Variants in GABPB2 observed in about 807,000 individuals in gnomAD.
The protein encoded by GABPB2 is GA-binding protein subunit beta-2.
A neutral mutation model predicts 39.1 loss-of-function variants in GABPB2; 23 were observed. That is an observed-to-expected ratio of 0.59 (90% CI 0.42 to 0.83). The LOEUF is 0.83. GABPB2 is among the 40% of genes least tolerant of loss of function. The pLI is 0.00. For synonymous variants in GABPB2, 184 were observed against 199.3 expected (o/e 0.92, Z 0.65); for missense variants, 467 against 541.1 (o/e 0.86, Z 1.36).
intron 5 of GABPB2, among the ~76,000 whole-genome samples, chr1:151,102,971 A>G (rs1679652352): frequency 1.3e-5 from 2 of 151,668 alleles, no homozygotes; most frequent in Admixed American, 1.3e-4. Flanking sequence ...TCTGTTAGCT[A>G]CTAATGCTCA....
intron 4 of GABPB2, 37 bp downstream of exon 4, chr1:151,093,423 A>G: frequency 6.8e-7 from 1 of 1,473,918 alleles, no homozygotes; most frequent in Admixed American, 2.5e-5. Context: ...ATGTATGTTA[A>G]TTGAAGTTAA....
chr1:151,103,020 T>C (rs1163437573), intron 5 of GABPB2, among the ~76,000 whole-genome samples: 1 of 150,014 alleles, frequency 6.7e-6, no homozygotes, highest in Non-Finnish European at 1.5e-5. Context: ...ATGAGGGGAA[T>C]GTAGTGGCCC....
At chr1:151,090,306 C>T (rs1263908934) in intron 2 of GABPB2, 100 bp from the exon 3 acceptor site, 1 of 1,155,010 alleles carries the variant, frequency 8.7e-7, no homozygotes, top group Admixed American at 2.6e-5. Flanking sequence ...CAGATTCTCT[C>T]TTGAAGGACA....
chr1:151,122,977 T>C lies in GABPB2; in HGVS notation c.*4721T>C, dbSNP rs2101586923. 6.6e-6 allele frequency: 1 copy of C among 152,252 alleles called. No individual in the cohort carries two copies. The highest frequency in any genetic ancestry group is 2.4e-5 in the African/African-American group (1 of 41,556). 9.4% of individuals were successfully genotyped at this position (152,252 alleles called of 1,614,324 possible). A position where few individuals can be genotyped will look rare whatever the true frequency, so the allele number is the denominator to read the frequency against. On this transcript the variant is annotated 3_prime_UTR_variant, in exon 9 of 9. Transcript: ENST00000368918. Reference sequence around the variant, plus strand: ...TCCAATTGTATTGCCATGGAGAGAATGGCAGGTGAGGATGCTTTGAAGTAG... The same window carrying C: ...TCCAATTGTATTGCCATGGAGAGAACGGCAGGTGAGGATGCTTTGAAGTAG...
chr1:151,113,192 G>C (rs1571989716), intron 7 of GABPB2, among the ~76,000 whole-genome samples: 1 of 151,894 alleles, frequency 6.6e-6, no homozygotes, highest in Middle Eastern at 3.4e-3. Flanking sequence ...TGATTGGCCG[G>C]GTGCGGTGGC....
chr1:151,081,635 TA>T (rs1469765833), intron 1 of GABPB2, among the ~76,000 whole-genome samples: 1 of 151,962 alleles, frequency 6.6e-6, no homozygotes, highest in African/African-American at 2.4e-5. Flanking sequence ...TTCTCATTAT[TA>T]TTTATTTTTT....
chr1:151,100,033 G>T (rs964619778), intron 5 of GABPB2, among the ~76,000 whole-genome samples: 1 of 152,008 alleles, frequency 6.6e-6, no homozygotes. Flanking sequence ...AAATAATTTT[G>T]CATTCAGCAG....
At chr1:151,106,726 T>C (rs1679999150) in intron 6 of GABPB2, among the ~76,000 whole-genome samples, 1 of 152,184 alleles carries the variant, frequency 6.6e-6, no homozygotes, top group Non-Finnish European at 1.5e-5. Context: ...CTGATACTCC[T>C]ACAAAACAAA....
rs587768442 is a variant in GABPB2, at chr1:151,115,789, C to A, written c.923-1603C>A. On this transcript the variant is annotated intron_variant, in intron 7 of 8. Transcript: ENST00000368918. Reference sequence around the variant, plus strand: ...TCCAGTATGTCTACATCCTCTCCAGCATTTGGTATCATCACTTTTTAAAAA... The same window carrying A: ...TCCAGTATGTCTACATCCTCTCCAGAATTTGGTATCATCACTTTTTAAAAA... Among the ~76,000 whole-genome samples the A allele has an allele frequency of 2.0e-5, 3 of 152,272 alleles. No individual in the cohort carries two copies. In the South Asian group the frequency reaches 6.2e-4, roughly 32 times the overall value.
Position 151,118,813 on chromosome 1 carries a change from T to G in GABPB2, c.*557T>G, listed in dbSNP as rs1321957953. The stretch of plus-strand genomic sequence containing the variant: ...TGAAGAGAATTTTCCCTTTTTTTTT[T>G]TTTTTTTGAGACACGGTCTGACTCT... On this transcript the variant is annotated 3_prime_UTR_variant, in exon 9 of 9. Coordinates refer to ENST00000368918, the MANE Select transcript of GABPB2 (RefSeq NM_144618.3). 6.6e-6 allele frequency: 1 copy of G among 152,354 alleles called. No homozygotes were observed. Among genetic ancestry groups the G allele is most frequent in the Non-Finnish European group, 1.5e-5 (1 of 68,362 alleles). 9.4% of individuals were successfully genotyped at this position (152,354 alleles called of 1,614,324 possible). A position where few individuals can be genotyped will look rare whatever the true frequency, so the allele number is the denominator to read the frequency against.
In GABPB2 at chr1:151,088,292, G is replaced by GA; in HGVS notation, c.104dup (p.Asp35GlufsTer29). 1 of 1,611,798 alleles carries GA rather than the reference G, an allele frequency of 6.2e-7. No homozygotes were observed. Among genetic ancestry groups the GA allele is most frequent in the African/African-American group, 1.3e-5 (1 of 74,980 alleles). On this transcript the variant is annotated frameshift_variant, in exon 2 of 9. Coordinates refer to ENST00000368918, the MANE Select transcript of GABPB2 (RefSeq NM_144618.3). LOFTEE classifies it high-confidence loss of function. ...GGCAAATGGCGCCCCATTCACCACA[G>GA]ACTGGGTAAGCTTAGAGGAGAGGTC... is the stretch of plus-strand genomic sequence containing the variant.
chr1:151,101,948 G>C (rs1047428394), intron 5 of GABPB2, among the ~76,000 whole-genome samples: 1 of 152,196 alleles, frequency 6.6e-6, no homozygotes, highest in African/African-American at 2.4e-5. Context: ...GCCAGATCTA[G>C]TGCGCTTCCC....
chr1:151,107,355 G>T, intron 7 of GABPB2, 133 bp downstream of exon 7: 271 of 414,860 alleles, frequency 6.5e-4, no homozygotes, highest in Middle Eastern at 1.4e-3. Flanking sequence ...AAGAAGCTCT[G>T]AAAAAGAAAA....
intron 1 of GABPB2, among the ~76,000 whole-genome samples, chr1:151,083,655 T>TTATATATA (rs57774210): frequency 8.2e-5 from 12 of 145,582 alleles, no homozygotes; most frequent in African/African-American, 2.2e-4. Flanking sequence ...AAAAAAAAAA[T>TTATATATA]TATATATATA....
chr1:151,102,246 G>A (rs931742580), intron 5 of GABPB2, among the ~76,000 whole-genome samples: 1 of 152,106 alleles, frequency 6.6e-6, no homozygotes, highest in Non-Finnish European at 1.5e-5. Flanking sequence ...GCTTGAATCC[G>A]GGAGGCGGAG....
At chr1:151,117,168 T>C (rs958141304) in intron 7 of GABPB2, among the ~76,000 whole-genome samples, 2 of 152,222 alleles carry the variant, frequency 1.3e-5, no homozygotes, top group Non-Finnish European at 2.9e-5. Context: ...TCTCTTTCTT[T>C]GCTTTTTTGT....
At chr1:151,078,162 C>T (rs1677349136) in intron 1 of GABPB2, among the ~76,000 whole-genome samples, 1 of 150,442 alleles carries the variant, frequency 6.6e-6, no homozygotes, top group African/African-American at 2.5e-5. Flanking sequence ...CCGAGCTACT[C>T]AGGAGGCTGA....
chr1:151,081,265 G>A lies in GABPB2; in HGVS notation c.1-6925G>A, dbSNP rs757796537. Among the ~76,000 whole-genome samples the A allele has an allele frequency of 2.2e-4, 34 of 151,266 alleles. 1 individual carries two copies. The highest frequency in any genetic ancestry group is 1.6e-3 in the Admixed American group (25 of 15,184). On this transcript the variant is annotated intron_variant, in intron 1 of 8. Transcript: ENST00000368918. ...GCACTTTGGGAGGCTGAGGCCAGCG[G>A]ATCACTTGAGTTCAGGAGTTTGAGA... is the stretch of plus-strand genomic sequence containing the variant.
intron 1 of GABPB2, among the ~76,000 whole-genome samples, chr1:151,080,880 G>GT (rs1399617901): frequency 2.4e-4 from 33 of 138,142 alleles, no homozygotes; most frequent in Middle Eastern, 3.6e-3. Context: ...AAAAAGAAAG[G>GT]TTTTTTTTTT....
Sources: gnomAD v4.1 joint callset for allele counts (sites outside exome capture counted in the v4.1 genomes callset) on GRCh38, gnomAD v4.1.1 for gene constraint, MANE v1.5 for transcripts, NCBI Gene and HGNC (gene_info 2026-07-23, HGNC 2026-07-21) for gene names.